ELP4: variants seen among roughly 807,000 people sequenced by gnomAD.
ELP4 encodes elongator acetyltransferase complex subunit 4.
Under a neutral mutation model 48.9 loss-of-function variants are expected in ELP4, and 51 were observed. The observed-to-expected ratio is 1.04, with a 90% CI of 0.83 to 1.32. The LOEUF (loss-of-function observed/expected upper bound fraction) is 1.32, where lower values mean the gene tolerates loss of function less well. Ranked by LOEUF, ELP4 falls within the 40% of genes most tolerant of loss-of-function variation. The probability of loss-of-function intolerance (pLI) is 0.00; values close to 1 mark genes in which losing one functional copy is unlikely to be tolerated. For synonymous variants in ELP4, 210 were observed against 189.2 expected, an observed-to-expected ratio of 1.11 and a Z score of -0.90; for missense variants, 519 against 514.6, an observed-to-expected ratio of 1.01 and a Z score of -0.08.
intron 3 of ELP4, among the ~76,000 whole-genome samples, chr11:31,552,804 G>A (rs972750533): frequency 6.6e-6 from 1 of 152,010 alleles, no homozygotes; most frequent in Non-Finnish European, 1.5e-5. Flanking sequence ...GTCCTTATAA[G>A]GACTTTAAAG....
chr11:31,790,004 C>T lies in ELP4; in HGVS notation c.*6480C>T. On this transcript the variant is annotated 3_prime_UTR_variant, in exon 10 of 10. Coordinates refer to ENST00000640961, the MANE Select transcript of ELP4 (RefSeq NM_019040.5). Reference sequence around the variant, plus strand: ...GGGAACTTGAACTGGAACTGACACACCAGGGGAAATGAGTCCTAGAAGTGG... The same window carrying T: ...GGGAACTTGAACTGGAACTGACACATCAGGGGAAATGAGTCCTAGAAGTGG... The T allele has an allele frequency of 6.3e-7, 1 of 1,592,278 alleles. No individual in the cohort carries two copies. The highest frequency in any genetic ancestry group is 8.5e-7 in the Non-Finnish European group (1 of 1,175,702).
chr11:31,782,865 A>G (rs1483808523), intron 9 of ELP4, among the ~76,000 whole-genome samples: 1 of 152,166 alleles, frequency 6.6e-6, no homozygotes, highest in Non-Finnish European at 1.5e-5. Context: ...TTCTGTGAAA[A>G]TTTTAAGTTC....
chr11:31,734,049 A>G (rs923293147), intron 9 of ELP4, among the ~76,000 whole-genome samples: 5 of 152,246 alleles, frequency 3.3e-5, no homozygotes, highest in Non-Finnish European at 5.9e-5. Context: ...CTGGGATGCA[A>G]GGATGGCTCA....
intron 9 of ELP4, among the ~76,000 whole-genome samples, chr11:31,731,485 C>A (rs1378631746): frequency 6.6e-6 from 1 of 151,230 alleles, no homozygotes. Context: ...GAAGACAGAT[C>A]ATTTGAAATT....
chr11:31,723,736 C>T (rs1109404), intron 9 of ELP4, among the ~76,000 whole-genome samples: 3,233 of 152,176 alleles, frequency 0.021, 109 homozygotes, highest in African/African-American at 0.073. Context: ...CCTGACAGTC[C>T]GCCTCCAAAA....
At chr11:31,567,025 C>G (rs1474138322) in intron 3 of ELP4, among the ~76,000 whole-genome samples, 1 of 138,950 alleles carries the variant, frequency 7.2e-6, no homozygotes, top group African/African-American at 3.1e-5. Flanking sequence ...CAATGTAGTA[C>G]TTCTTTATTT....
intron 1 of ELP4, among the ~76,000 whole-genome samples, chr11:31,516,953 A>C (rs1363270020): frequency 6.6e-6 from 1 of 152,150 alleles, no homozygotes; most frequent in Non-Finnish European, 1.5e-5. Flanking sequence ...AAATATATAA[A>C]CTTAAACATT....
At position 31,786,417 on chromosome 11, in the gene ELP4, G is replaced by A. The variant is rs1222137581; in HGVS notation, c.*2893G>A. The A allele has an allele frequency of 4.6e-6, 1 of 216,536 alleles. No homozygotes were observed. The highest frequency in any genetic ancestry group is 9.3e-6 in the Non-Finnish European group (1 of 107,538). The allele number at this position is 216,536 out of a possible 1,614,324, so 13.4% of individuals were successfully genotyped here. On this transcript the variant is annotated 3_prime_UTR_variant, in exon 10 of 10. Transcript: ENST00000640961. ...TTGAACTTTAAAACCGAGCAGTTGAGTCATTCAGTACCAAGCCAAAACACA... is the reference window on the plus strand; with the variant it reads ...TTGAACTTTAAAACCGAGCAGTTGAATCATTCAGTACCAAGCCAAAACACA...
At position 31,691,498 on chromosome 11, in the gene ELP4, A is replaced by C. The variant is rs1196320477; in HGVS notation, c.1143+41277A>C. On this transcript the variant is annotated intron_variant, in intron 9 of 9. Coordinates refer to ENST00000640961, the MANE Select transcript of ELP4 (RefSeq NM_019040.5). ...GGATGAGTTTTAAAGTCAGGCATAA[A>C]TTGTGTTTGGTGTTTAAAATTGATT... Among the ~76,000 whole-genome samples, 5 of 152,216 alleles carry C rather than the reference A, an allele frequency of 3.3e-5. No homozygotes were observed. The East Asian group carries it at 9.6e-4, about 29-fold the overall frequency.
intron 2 of ELP4, among the ~76,000 whole-genome samples, chr11:31,530,357 C>T (rs919931196): frequency 2.0e-5 from 3 of 152,082 alleles, no homozygotes; most frequent in Admixed American, 2.0e-4. Context: ...GTAACAAAAA[C>T]TTGAGAGCTC....
chr11:31,539,664 G>T lies in ELP4; in HGVS notation c.262G>T (p.Glu88Ter). 6.3e-7 allele frequency: 1 copy of T among 1,598,786 alleles called. No individual in the cohort carries two copies. Among genetic ancestry groups the T allele is most frequent in the African/African-American group, 1.3e-5 (1 of 74,486 alleles). ...LAVGTVLLIE[E>*]DKYNIYSPLL... is the part of the protein sequence containing the mutation. Reference sequence around the variant, plus strand: ...ACTGCAACTTTTCCTTTTTACAGAGGAGGATAAATATAATATTTACTCACC... The same window carrying T: ...ACTGCAACTTTTCCTTTTTACAGAGTAGGATAAATATAATATTTACTCACC... The change falls in exon 3 of 10, where the codon GAG becomes TAG. Residue 88 changes from glutamate to a stop codon, truncating the protein, a stop_gained and splice_region_variant. Transcript: ENST00000640961. LOFTEE classifies it high-confidence loss of function.
intron 3 of ELP4, among the ~76,000 whole-genome samples, chr11:31,542,818 G>A (rs571389030): frequency 1.8e-4 from 27 of 151,836 alleles, no homozygotes; most frequent in Non-Finnish European, 3.7e-4. Flanking sequence ...ATAATAAGGA[G>A]AAAAATCAAT....
At chr11:31,685,206 C>G (rs1248974838) in intron 9 of ELP4, among the ~76,000 whole-genome samples, 1 of 151,964 alleles carries the variant, frequency 6.6e-6, no homozygotes, top group Non-Finnish European at 1.5e-5. Flanking sequence ...AAAAAATTAG[C>G]CAGGCGTGGT....
chr11:31,678,145 C>T (rs548582810), intron 9 of ELP4, among the ~76,000 whole-genome samples: 1 of 152,080 alleles, frequency 6.6e-6, no homozygotes, highest in South Asian at 2.1e-4. Context: ...GGCTTTTTTC[C>T]CTTAGCAATA....
At chr11:31,696,268 A>G (rs1381511926) in intron 9 of ELP4, among the ~76,000 whole-genome samples, 2 of 151,994 alleles carry the variant, frequency 1.3e-5, no homozygotes, top group South Asian at 4.2e-4. Context: ...TTAGGGTGTC[A>G]ATTTTAGATT....
intron 9 of ELP4, among the ~76,000 whole-genome samples, chr11:31,720,557 T>A (rs1946939744): frequency 6.6e-6 from 1 of 152,134 alleles, no homozygotes; most frequent in Non-Finnish European, 1.5e-5. Context: ...AAAGGAGTAG[T>A]TGGTAAGGCA....
intron 3 of ELP4, among the ~76,000 whole-genome samples, chr11:31,566,987 C>T (rs1347192344): frequency 6.6e-6 from 1 of 152,100 alleles, no homozygotes. Context: ...TCACAAGATA[C>T]TGTTCTCTCT....
chr11:31,574,702 A>G (rs922746689), intron 3 of ELP4, among the ~76,000 whole-genome samples: 20 of 152,244 alleles, frequency 1.3e-4, no homozygotes, highest in African/African-American at 4.1e-4. Flanking sequence ...GCAAACTCCA[A>G]CAGACCTGCA....
At chr11:31,680,757 C>A (rs946174158) in intron 9 of ELP4, among the ~76,000 whole-genome samples, 1 of 152,100 alleles carries the variant, frequency 6.6e-6, no homozygotes. Context: ...AGTAGATGAA[C>A]CTACATCATG....
Sources: gnomAD v4.1 joint callset for allele counts (sites outside exome capture counted in the v4.1 genomes callset) on GRCh38, gnomAD v4.1.1 for gene constraint, MANE v1.5 for transcripts, NCBI Gene and HGNC (gene_info 2026-07-23, HGNC 2026-07-21) for gene names.